The following CDH13 variants were observed in gnomAD, a reference collection of about 807,000 sequenced individuals.
The protein encoded by CDH13 is cadherin-13.
Under a neutral mutation model 63.8 loss-of-function variants are expected in CDH13, and 24 were observed. The ratio of observed to expected loss-of-function variants is 0.38; its 90% CI spans 0.27 to 0.53. The LOEUF (loss-of-function observed/expected upper bound fraction) is 0.53. Among genes scored for constraint, CDH13 ranks in the 20% least tolerant of loss-of-function variants. The pLI, the probability that CDH13 is intolerant of heterozygous loss-of-function variation, is 0.85. For missense variants in CDH13, 1,049 were observed against 903.1 expected (o/e 1.16, Z -2.07); for synonymous variants, 503 against 355.3 (o/e 1.42, Z -4.67).
intron 1 of CDH13, among the ~76,000 whole-genome samples, chr16:82,760,872 T>C (rs2151083317): frequency 6.6e-6 from 1 of 151,762 alleles, no homozygotes; most frequent in East Asian, 1.9e-4. Context: ...TTTTCAACAA[T>C]CAGATCTTGC....
intron 7 of CDH13, among the ~76,000 whole-genome samples, chr16:83,533,381 C>T (rs2075121909): frequency 6.6e-6 from 1 of 152,112 alleles, no homozygotes; most frequent in Non-Finnish European, 1.5e-5. Flanking sequence ...TCCCCAAAGA[C>T]AAGATGGGAG....
chr16:82,972,348 C>G (rs751141543), intron 2 of CDH13, among the ~76,000 whole-genome samples: 6 of 152,300 alleles, frequency 3.9e-5, no homozygotes, highest in Non-Finnish European at 7.3e-5. Flanking sequence ...AAAGGTAAGA[C>G]AAGAGAAAAC....
chr16:83,085,732 A>G (rs111703232), intron 3 of CDH13, among the ~76,000 whole-genome samples: 4 of 152,318 alleles, frequency 2.6e-5, no homozygotes, highest in African/African-American at 9.6e-5. Flanking sequence ...CCATGTCACT[A>G]TGGGTTGTAT....
At chr16:83,426,907 CTTTTTT>C (rs71148833) in intron 6 of CDH13, among the ~76,000 whole-genome samples, 18 of 63,180 alleles carry the variant, frequency 2.8e-4, no homozygotes, top group African/African-American at 9.2e-4. Context: ...ATGTTTCTTT[CTTTTTT>C]TTTTTTTTTT....
intron 1 of CDH13, among the ~76,000 whole-genome samples, chr16:82,837,473 G>A (rs905507371): frequency 6.6e-6 from 1 of 152,020 alleles, no homozygotes; most frequent in Non-Finnish European, 1.5e-5. Context: ...GCCACCCCCA[G>A]TTTCCTTGAT....
At chr16:83,103,462 T>C (rs1387425066) in intron 3 of CDH13, among the ~76,000 whole-genome samples, 1 of 151,918 alleles carries the variant, frequency 6.6e-6, no homozygotes, top group Non-Finnish European at 1.5e-5. Context: ...GCCAGGCTGG[T>C]GTCGAACTCC....
chr16:82,745,477 G>T (rs8048922), intron 1 of CDH13, among the ~76,000 whole-genome samples: 2,316 of 152,168 alleles, frequency 0.015, 59 homozygotes, highest in African/African-American at 0.054. Context: ...GGTGGCGGGC[G>T]CCTGTAACCC....
At chr16:83,264,811 A>C (rs984333006) in intron 5 of CDH13, among the ~76,000 whole-genome samples, 1 of 151,834 alleles carries the variant, frequency 6.6e-6, no homozygotes, top group Non-Finnish European at 1.5e-5. Context: ...TCATCATACT[A>C]TTATAATTTT....
intron 11 of CDH13, among the ~76,000 whole-genome samples, chr16:83,762,669 C>T (rs1373487280): frequency 2.6e-5 from 4 of 152,166 alleles, no homozygotes; most frequent in African/African-American, 9.7e-5. Context: ...GCATCGTTGG[C>T]CGCTGCTTCT....
intron 3 of CDH13, among the ~76,000 whole-genome samples, chr16:83,043,918 A>G (rs1917553913): frequency 6.6e-6 from 1 of 152,188 alleles, no homozygotes; most frequent in Admixed American, 6.5e-5. Context: ...AATGTAGTAT[A>G]TATTTTATGC....
chr16:82,710,499 C>A (rs1206775575), intron 1 of CDH13, among the ~76,000 whole-genome samples: 1 of 123,884 alleles, frequency 8.1e-6, no homozygotes, highest in Non-Finnish European at 1.6e-5. Context: ...CGCCACTGCA[C>A]TCCAGCCTGG....
At chr16:83,151,909 C>G (rs2036996864) in intron 4 of CDH13, among the ~76,000 whole-genome samples, 1 of 151,400 alleles carries the variant, frequency 6.6e-6, no homozygotes, top group Admixed American at 6.6e-5. Context: ...TTGCAGTGAG[C>G]CAAGATCGCG....
chr16:82,988,364 A>G (rs776799489), intron 2 of CDH13, among the ~76,000 whole-genome samples: 1 of 152,124 alleles, frequency 6.6e-6, no homozygotes, highest in Non-Finnish European at 1.5e-5. Context: ...TGGGCAGATA[A>G]GTATGGTGAA....
chr16:83,003,288 T>C (rs1913130822), intron 2 of CDH13, among the ~76,000 whole-genome samples: 1 of 152,166 alleles, frequency 6.6e-6, no homozygotes, highest in Non-Finnish European at 1.5e-5. Flanking sequence ...TCAAGGGCTG[T>C]GGATTGCCAT....
At chr16:83,253,250 T>G (rs1176932897) in intron 5 of CDH13, among the ~76,000 whole-genome samples, 5 of 152,164 alleles carry the variant, frequency 3.3e-5, no homozygotes, top group Admixed American at 2.0e-4. Flanking sequence ...CTATAAGACT[T>G]GTTTGTTGGG....
At chr16:83,529,767 A>G (rs1043723572) in intron 7 of CDH13, among the ~76,000 whole-genome samples, 1 of 152,206 alleles carries the variant, frequency 6.6e-6, no homozygotes, top group African/African-American at 2.4e-5. Flanking sequence ...GAAAAATACA[A>G]TATTGATATT....
At chr16:83,597,685 C>T (rs1159718827) in intron 7 of CDH13, among the ~76,000 whole-genome samples, 5 of 152,294 alleles carry the variant, frequency 3.3e-5, no homozygotes, top group Non-Finnish European at 7.4e-5. Context: ...GAAACCTCAT[C>T]ACAAACTTTG....
At chr16:83,388,151 T>C (rs1372159559) in intron 6 of CDH13, among the ~76,000 whole-genome samples, 1 of 152,006 alleles carries the variant, frequency 6.6e-6, no homozygotes, top group Non-Finnish European at 1.5e-5. Context: ...TGTTTTATAA[T>C]ATTTAAGAAT....
intron 1 of CDH13, among the ~76,000 whole-genome samples, chr16:82,835,115 C>A (rs192302927): frequency 6.6e-6 from 1 of 152,168 alleles, no homozygotes; most frequent in Non-Finnish European, 1.5e-5. Flanking sequence ...ATCCCTGCAA[C>A]GTGTAGGTAA....
Sources: gnomAD v4.1 joint callset for allele counts (sites outside exome capture counted in the v4.1 genomes callset) on GRCh38, gnomAD v4.1.1 for gene constraint, MANE v1.5 for transcripts, NCBI Gene and HGNC (gene_info 2026-07-23, HGNC 2026-07-21) for gene names.